Variants in RGS6 observed in about 807,000 individuals in gnomAD.
The protein encoded by RGS6 is regulator of G protein signaling 6.
A neutral mutation model predicts 78.5 loss-of-function variants in RGS6; 30 were observed. The ratio of observed to expected loss-of-function variants is 0.38; its 90% CI spans 0.29 to 0.52. RGS6 has a LOEUF of 0.52. RGS6 is among the 20% of genes least tolerant of loss of function. The pLI is 0.85. For synonymous variants in RGS6, 206 were observed against 206.0 expected (o/e 1.00, Z 0.00); for missense variants, 495 against 609.7 (o/e 0.81, Z 1.98).
At chr14:72,061,913 T>G (rs1215316493) in intron 2 of RGS6, among the ~76,000 whole-genome samples, 1 of 152,256 alleles carries the variant, frequency 6.6e-6, no homozygotes, top group East Asian at 1.9e-4. Flanking sequence ...GCATTTGGTA[T>G]AAACCAGGCA....
chr14:71,928,504 C>T (rs2087751314), upstream of RGS6, among the ~76,000 whole-genome samples: 1 of 152,174 alleles, frequency 6.6e-6, no homozygotes, highest in Non-Finnish European at 1.5e-5. Context: ...CCAAAGCCAC[C>T]AATATCAATA....
At chr14:72,016,259 A>G (rs957783557) in intron 2 of RGS6, among the ~76,000 whole-genome samples, 1 of 152,140 alleles carries the variant, frequency 6.6e-6, no homozygotes, top group Non-Finnish European at 1.5e-5. Flanking sequence ...TTCCATATGG[A>G]TGTCCAGTTG....
chr14:72,477,090 G>A lies in RGS6; in HGVS notation c.792+250G>A, dbSNP rs536743966. 40 of 456,476 alleles carry A rather than the reference G, an allele frequency of 8.8e-5. No homozygotes were observed. In the East Asian group the frequency reaches 1.7e-3, roughly 19 times the overall value. The allele number at this position is 456,476 out of a possible 1,614,324, so 28.3% of individuals were successfully genotyped here. A position where few individuals can be genotyped will look rare whatever the true frequency, so the allele number is the denominator to read the frequency against. On this transcript the variant is annotated intron_variant, in intron 11 of 17. Coordinates refer to ENST00000553525, the MANE Select transcript of RGS6 (RefSeq NM_001204424.2). ...GTAAATGAGTCATCCCATGCCTTGG[G>A]GTAACTGCTGTAATGGGGTTTCCCA... is the stretch of plus-strand genomic sequence containing the variant.
intron 2 of RGS6, among the ~76,000 whole-genome samples, chr14:72,239,077 C>T (rs1051729242): frequency 1.2e-4 from 19 of 152,220 alleles, no homozygotes; most frequent in East Asian, 1.2e-3. Context: ...TTTAAAAAGG[C>T]TTTAGAACAG....
At chr14:72,292,310 A>G (rs972710018) in intron 2 of RGS6, among the ~76,000 whole-genome samples, 1 of 152,176 alleles carries the variant, frequency 6.6e-6, no homozygotes, top group Non-Finnish European at 1.5e-5. Context: ...TATCTGGTGT[A>G]TCACAACGCT....
intron 2 of RGS6, among the ~76,000 whole-genome samples, chr14:72,157,229 C>T (rs751428268): frequency 2.0e-5 from 3 of 152,216 alleles, no homozygotes; most frequent in Non-Finnish European, 4.4e-5. Flanking sequence ...TTAAGTCCTG[C>T]ACCAAGGCAT....
At chr14:72,520,204 T>G (rs2097016454) in intron 15 of RGS6, among the ~76,000 whole-genome samples, 1 of 152,194 alleles carries the variant, frequency 6.6e-6, no homozygotes, top group Admixed American at 6.5e-5. Context: ...ATCCTTTATC[T>G]CCCTCCCTTC....
chr14:72,572,995 C>T, the RGS6 span, among the ~76,000 whole-genome samples: 1 of 151,960 alleles, frequency 6.6e-6, no homozygotes, highest in Non-Finnish European at 1.5e-5. Context: ...GCCTGTTTTT[C>T]GAAGTCACCA....
intron 1 of RGS6, among the ~76,000 whole-genome samples, chr14:71,953,664 A>C (rs949233202): frequency 6.6e-6 from 1 of 151,948 alleles, no homozygotes; most frequent in African/African-American, 2.4e-5. Context: ...TTTAAAAAAT[A>C]TTTTTTTTGT....
chr14:72,561,960 C>A (rs1180626347), intron 17 of RGS6, among the ~76,000 whole-genome samples: 1 of 152,212 alleles, frequency 6.6e-6, no homozygotes, highest in East Asian at 1.9e-4. Flanking sequence ...CTAGTTCATT[C>A]ATTAGCTTCT....
intron 2 of RGS6, among the ~76,000 whole-genome samples, chr14:72,176,063 A>G (rs2097101204): frequency 1.3e-5 from 2 of 152,182 alleles, no homozygotes; most frequent in Non-Finnish European, 2.9e-5. Context: ...GAAAACAAAG[A>G]CAATAAATTC....
rs548515607 is a variant in RGS6 at position 72,325,296 on chromosome 14, T to C, written c.85-26799T>C. 2.6e-5 allele frequency among the ~76,000 whole-genome samples: 4 copies of C among 152,360 alleles called. No homozygotes were observed. In the South Asian group the frequency reaches 6.2e-4, roughly 24 times the overall value. On this transcript the variant is annotated intron_variant, in intron 2 of 17. Transcript: ENST00000553525. Reference sequence around the variant, plus strand: ...ACATTGCAAACGTTTTCTCCCATTCTGTATGTTGCCTGTTCACTCTGATGG... The same window carrying C: ...ACATTGCAAACGTTTTCTCCCATTCCGTATGTTGCCTGTTCACTCTGATGG...
intron 2 of RGS6, among the ~76,000 whole-genome samples, chr14:71,982,250 C>T (rs1017522579): frequency 2.6e-5 from 4 of 152,182 alleles, no homozygotes; most frequent in East Asian, 1.9e-4. Flanking sequence ...CCGTCTTCTG[C>T]GTCGCTCAGG....
chr14:72,378,352 A>T lies in RGS6; in HGVS notation c.184+26158A>T, dbSNP rs2085262777. 2.0e-5 allele frequency among the ~76,000 whole-genome samples: 3 copies of T among 152,292 alleles called. No homozygotes were observed. The South Asian group carries it at 6.2e-4, about 32-fold the overall frequency. On this transcript the variant is annotated intron_variant, in intron 3 of 17. Transcript: ENST00000553525. ...AGTTAGTAGGAAAGAAATGATAAAG[A>T]TCAGAGCAGAAATGAACAATATTGA...
chr14:72,493,482 G>A (rs370937949), intron 12 of RGS6, among the ~76,000 whole-genome samples: 3 of 132,092 alleles, frequency 2.3e-5, no homozygotes, highest in Admixed American at 8.2e-5. Context: ...AACAATTCAG[G>A]ATGTCCAATA....
At chr14:72,343,439 C>T (rs189401666) in intron 2 of RGS6, among the ~76,000 whole-genome samples, 6 of 152,350 alleles carry the variant, frequency 3.9e-5, no homozygotes, top group African/African-American at 1.4e-4. Context: ...ATGTGATTCA[C>T]TGAGCATACC....
intron 2 of RGS6, among the ~76,000 whole-genome samples, chr14:72,297,786 T>C (rs2065170829): frequency 6.6e-6 from 1 of 151,952 alleles, no homozygotes; most frequent in African/African-American, 2.4e-5. Flanking sequence ...TCTTCTTTAA[T>C]TTCTCTCAAC....
chr14:72,433,196 T>A (rs1043565113), intron 3 of RGS6, among the ~76,000 whole-genome samples: 11 of 152,132 alleles, frequency 7.2e-5, no homozygotes, highest in African/African-American at 2.7e-4. Context: ...CCCCAGAAAT[T>A]GCCTGAAAAC....
chr14:72,451,766 T>C (rs534956566), intron 3 of RGS6, among the ~76,000 whole-genome samples: 4 of 151,846 alleles, frequency 2.6e-5, no homozygotes, highest in African/African-American at 9.7e-5. Flanking sequence ...TTTTTTTTTC[T>C]TTTTTGAGAC....
Sources: gnomAD v4.1 joint callset for allele counts (sites outside exome capture counted in the v4.1 genomes callset) on GRCh38, gnomAD v4.1.1 for gene constraint, MANE v1.5 for transcripts, NCBI Gene and HGNC (gene_info 2026-07-23, HGNC 2026-07-21) for gene names.